Variants in PCDHA12 observed in about 807,000 individuals in gnomAD.
The protein encoded by PCDHA12 is protocadherin alpha 12, also known as protocadherin alpha-12.
Under a neutral mutation model 60.0 loss-of-function variants are expected in PCDHA12, and 44 were observed. The observed-to-expected ratio is 0.73, with a 90% CI of 0.58 to 0.94. The LOEUF is 0.94. Ranked by LOEUF, PCDHA12 falls within the 40% of genes least tolerant of loss-of-function variation. PCDHA12 has a pLI of 0.00. For synonymous variants in PCDHA12, 569 were observed against 553.0 expected (o/e 1.03, Z -0.40); for missense variants, 1,276 against 1,239.7 (o/e 1.03, Z -0.44).
At chr5:140,941,215 C>CTTTCTTTCTTTCTTTG (rs2092887387) in intron 1 of PCDHA12, among the ~76,000 whole-genome samples, 2 of 104,510 alleles carry the variant, frequency 1.9e-5, no homozygotes, top group Non-Finnish European at 4.1e-5. Context: ...TTCTTTCTTC[C>CTTTCTTTCTTTCTTTG]TTTCTTTCTT....
At chr5:140,920,749 C>T (rs145619239) in intron 1 of PCDHA12, among the ~76,000 whole-genome samples, 2 of 151,424 alleles carry the variant, frequency 1.3e-5, no homozygotes, top group Non-Finnish European at 2.9e-5. Context: ...GAGGCTGAGG[C>T]AGGAGAATTG....
chr5:140,964,472 T>A (rs1160731930), intron 1 of PCDHA12, among the ~76,000 whole-genome samples: 1 of 152,074 alleles, frequency 6.6e-6, no homozygotes, highest in Non-Finnish European at 1.5e-5. Context: ...GTGCCTATGA[T>A]TTTTTCACAG....
chr5:140,924,103 TC>T (rs1377290150), intron 1 of PCDHA12, among the ~76,000 whole-genome samples: 1 of 152,234 alleles, frequency 6.6e-6, no homozygotes, highest in African/African-American at 2.4e-5. Flanking sequence ...AAATTTTCAT[TC>T]CAAAGCAGTT....
chr5:140,886,102 G>A (rs1040004596), intron 1 of PCDHA12, among the ~76,000 whole-genome samples: 17 of 152,136 alleles, frequency 1.1e-4, no homozygotes, highest in Admixed American at 1.3e-4. Flanking sequence ...CATTGATACA[G>A]TAAAGAAGTA....
At chr5:140,899,512 G>T (rs4386771) in intron 1 of PCDHA12, among the ~76,000 whole-genome samples, 1 of 152,040 alleles carries the variant, frequency 6.6e-6, no homozygotes, top group African/African-American at 2.4e-5. Flanking sequence ...TGCATATATT[G>T]CATCCCAGGG....
chr5:140,974,613 G>A (rs1416866366), intron 1 of PCDHA12, among the ~76,000 whole-genome samples: 2 of 152,164 alleles, frequency 1.3e-5, no homozygotes, highest in African/African-American at 4.8e-5. Flanking sequence ...CAGGGTTCAA[G>A]CGATTCTCCT....
At position 141,010,636 on chromosome 5, in the gene PCDHA12, A is replaced by G; in HGVS notation, c.*699A>G. On this transcript the variant is annotated 3_prime_UTR_variant, in exon 4 of 4. Coordinates refer to ENST00000398631, the MANE Select transcript of PCDHA12 (RefSeq NM_018903.4). ...AAAATCTGCATCATACCTGCAAGCC[A>G]ACAGTTCAGTGTTTTAACAGAGAAC... is the stretch of plus-strand genomic sequence containing the variant. 1 of 183,300 alleles carries G rather than the reference A, an allele frequency of 5.5e-6. No individual in the cohort carries two copies. The highest frequency in any genetic ancestry group is 1.2e-5 in the Non-Finnish European group (1 of 86,478). 11.4% of individuals were successfully genotyped at this position (183,300 alleles called of 1,614,324 possible). A position where few individuals can be genotyped will look rare whatever the true frequency, so the allele number is the denominator to read the frequency against.
chr5:140,905,163 G>A (rs782288723), intron 1 of PCDHA12, among the ~76,000 whole-genome samples: 30 of 152,274 alleles, frequency 2.0e-4, no homozygotes, highest in African/African-American at 7.0e-4. Flanking sequence ...AATTTTCATG[G>A]TTTCAGGTTT....
chr5:140,920,588 G>A lies in PCDHA12; in HGVS notation c.2367+42749G>A, dbSNP rs561082502. 2.0e-5 allele frequency among the ~76,000 whole-genome samples: 3 copies of A among 152,284 alleles called. No individual in the cohort carries two copies. The South Asian group carries it at 6.2e-4, about 32-fold the overall frequency. On this transcript the variant is annotated intron_variant, in intron 1 of 3. Transcript: ENST00000398631. ...AGGCCAGGAGCAGTGGCTCACGCCT[G>A]TAATCCCAGCACTTTGGGAGGCCGA...
intron 1 of PCDHA12, chr5:140,930,420 A>G (rs996872425): frequency 1.3e-5 from 2 of 151,962 alleles, no homozygotes; most frequent in Non-Finnish European, 2.9e-5. Context: ...CAGGGGTCTC[A>G]CTATGTTGCC....
chr5:140,975,139 C>G (rs2096655397), intron 1 of PCDHA12, among the ~76,000 whole-genome samples: 1 of 152,154 alleles, frequency 6.6e-6, no homozygotes, highest in Non-Finnish European at 1.5e-5. Flanking sequence ...GGCCTGGGGT[C>G]ACTCTCAGTT....
intron 1 of PCDHA12, among the ~76,000 whole-genome samples, chr5:140,890,111 A>G (rs1365246358): frequency 6.6e-6 from 1 of 152,194 alleles, no homozygotes; most frequent in Admixed American, 6.5e-5. Context: ...TCTGGATTCA[A>G]TGATGTCACT....
At chr5:140,968,920 A>G (rs781931367) in intron 1 of PCDHA12, 1 of 1,614,120 alleles carries the variant, frequency 6.2e-7, no homozygotes, top group Admixed American at 1.7e-5. Flanking sequence ...TGTCTTTTAT[A>G]TTTCTTTTGA....
intron 1 of PCDHA12, among the ~76,000 whole-genome samples, chr5:140,898,151 CT>C (rs2066567806): frequency 6.6e-6 from 1 of 152,158 alleles, no homozygotes; most frequent in Admixed American, 6.5e-5. Context: ...CCTGTTCACG[CT>C]GATGGTGGTT....
chr5:140,985,675 T>C (rs1477813786), intron 3 of PCDHA12, among the ~76,000 whole-genome samples: 1 of 151,998 alleles, frequency 6.6e-6, no homozygotes, highest in Non-Finnish European at 1.5e-5. Context: ...AAGTGGGGCC[T>C]GCCTTACGCT....
chr5:140,890,788 T>C (rs892426818), intron 1 of PCDHA12, among the ~76,000 whole-genome samples: 1 of 152,222 alleles, frequency 6.6e-6, no homozygotes, highest in Non-Finnish European at 1.5e-5. Flanking sequence ...AAGATATTAG[T>C]ATTATTTTAT....
rs534304787 is a variant in PCDHA12, at chr5:140,885,393, TA to T, written c.2367+7556del. Among the ~76,000 whole-genome samples the T allele has an allele frequency of 3.1e-3, 468 of 152,312 alleles. 3 individuals carry two copies. Among genetic ancestry groups the T allele is most frequent in the Middle Eastern group, 0.014 (4 of 294 alleles). The stretch of plus-strand genomic sequence containing the variant: ...TACCTTTTGGCAGTCCCTGCAAATC[TA>T]ATGGTTTTAATAGCTGTGTAGTATT... On this transcript the variant is annotated intron_variant, in intron 1 of 3. Transcript: ENST00000398631.
intron 3 of PCDHA12, among the ~76,000 whole-genome samples, chr5:141,006,727 G>A (rs2098285106): frequency 6.6e-6 from 1 of 152,080 alleles, no homozygotes. Context: ...AGAAATGACA[G>A]GTCTTGATGA....
chr5:140,966,974 C>A, intron 1 of PCDHA12: 1 of 1,602,874 alleles, frequency 6.2e-7, no homozygotes, highest in Non-Finnish European at 8.5e-7. Context: ...GCTTGAGCTG[C>A]GGCGCTTGGG....
Sources: gnomAD v4.1 joint callset for allele counts (sites outside exome capture counted in the v4.1 genomes callset) on GRCh38, gnomAD v4.1.1 for gene constraint, MANE v1.5 for transcripts, NCBI Gene and HGNC (gene_info 2026-07-23, HGNC 2026-07-21) for gene names.